NCAPG2: variants seen among roughly 807,000 people sequenced by gnomAD.
NCAPG2 encodes non-SMC condensin II complex subunit G2.
A neutral mutation model predicts 141.1 loss-of-function variants in NCAPG2; 53 were observed. The observed-to-expected ratio is 0.38, with a 90% confidence interval of 0.30 to 0.47. The LOEUF is 0.47. NCAPG2 is among the 20% of genes least tolerant of loss of function. The pLI, the probability that NCAPG2 is intolerant of heterozygous loss-of-function variation, is 0.99. For missense variants in NCAPG2, 1,087 were observed against 1,389.0 expected, an observed-to-expected ratio of 0.78 and a Z score of 3.46; for synonymous variants, 499 against 490.7, an observed-to-expected ratio of 1.02 and a Z score of -0.22.
At chr7:158,689,567 A>T (rs1305284072) in intron 6 of NCAPG2, among the ~76,000 whole-genome samples, 3 of 152,248 alleles carry the variant, frequency 2.0e-5, no homozygotes, top group Non-Finnish European at 2.9e-5. Context: ...AATCATTCTT[A>T]ATTTAAAATG....
At chr7:158,650,995 C>T (rs377362959) in intron 23 of NCAPG2, 23 bp from the exon 24 acceptor site, 1 of 1,542,370 alleles carries the variant, frequency 6.5e-7, no homozygotes, top group Non-Finnish European at 8.7e-7. Context: ...ACATACGTCA[C>T]TTTTAATGAC....
intron 27 of NCAPG2, chr7:158,640,240 G>A (rs1019541283): frequency 1.3e-5 from 2 of 152,194 alleles, no homozygotes; most frequent in Non-Finnish European, 2.9e-5. Context: ...AGAGTATAGC[G>A]AAATGTTTAA....
At chr7:158,670,169 A>T (rs1046834353) in intron 13 of NCAPG2, among the ~76,000 whole-genome samples, 10 of 152,256 alleles carry the variant, frequency 6.6e-5, no homozygotes, top group Admixed American at 6.5e-4. Flanking sequence ...TGTTAATACT[A>T]CATTGGTCAC....
chr7:158,703,367 C>T (rs1835929862), intron 1 of NCAPG2, among the ~76,000 whole-genome samples: 1 of 152,222 alleles, frequency 6.6e-6, no homozygotes, highest in South Asian at 2.1e-4. Context: ...TGTGAACACT[C>T]TCCACTTTTT....
At position 158,664,234 on chromosome 7, in the gene NCAPG2, G is replaced by A. The variant is rs1019176269; in HGVS notation, c.1765C>T (p.Pro589Ser). ...TCCTCTTCCTCCTCGTCCTCTGGAG[G>A]CTCTCTCACTGCCCTCTGGATACAG... Reference protein sequence around the residue: ...NACIQRAVREPPEDEEEEDGR... With the variant: ...NACIQRAVRESPEDEEEEDGR... The change falls in exon 15 of 28, where the codon CCT becomes TCT. Residue 589 changes from proline to serine, a missense_variant. By Grantham distance (74) the Pro-to-Ser change is moderately conservative. Transcript: ENST00000356309. The A allele has an allele frequency of 3.7e-6, 6 of 1,613,744 alleles. No homozygotes were observed. In the African/African-American group the frequency reaches 8.0e-5, roughly 22 times the overall value.
chr7:158,631,908 G>C (rs1432005765), intron 27 of NCAPG2, among the ~76,000 whole-genome samples, 191 bp from the exon 28 acceptor site: 1 of 152,074 alleles, frequency 6.6e-6, no homozygotes, highest in Non-Finnish European at 1.5e-5. Flanking sequence ...CAGCAGTCAG[G>C]ACACATGGCA....
Position 158,683,396 on chromosome 7 carries a change from C to T in NCAPG2, c.838-10G>A, listed in dbSNP as rs148607072. ...AATCATTTTCAATCGCCTGAAATAA[C>T]AAATGCAATGCAAAGCACTTGGTGT... On this transcript the variant is annotated splice_polypyrimidine_tract_variant and intron_variant, in intron 8 of 27. Coordinates refer to ENST00000356309, the MANE Select transcript of NCAPG2 (RefSeq NM_017760.7). 8.1e-4 allele frequency: 1,287 copies of T among 1,593,590 alleles called. 12 individuals are homozygous for T. The African/African-American group carries it at 0.016, about 20-fold the overall frequency.
At chr7:158,680,163 A>T in intron 10 of NCAPG2, 78 bp from the exon 11 acceptor site, 1 of 1,418,162 alleles carries the variant, frequency 7.1e-7, no homozygotes, top group East Asian at 2.3e-5. Flanking sequence ...TTCCCAAAGT[A>T]ACACTTTAAT....
At chr7:158,662,783 T>C (rs745589979) in intron 15 of NCAPG2, among the ~76,000 whole-genome samples, 1 of 152,168 alleles carries the variant, frequency 6.6e-6, no homozygotes, top group Non-Finnish European at 1.5e-5. Context: ...CCAAGGTGAC[T>C]GCTACTGAAA....
At chr7:158,704,402 G>C (rs1836030433) in intron 1 of NCAPG2, among the ~76,000 whole-genome samples, 1 of 151,718 alleles carries the variant, frequency 6.6e-6, no homozygotes, top group South Asian at 2.1e-4. Context: ...CCAGGACTGA[G>C]GGGACACTCT....
intron 23 of NCAPG2, among the ~76,000 whole-genome samples, chr7:158,651,255 GGA>G (rs1831471669): frequency 6.6e-6 from 1 of 152,104 alleles, no homozygotes; most frequent in Admixed American, 6.5e-5. Flanking sequence ...GAATAAGGAG[GGA>G]GAGAGGCAAA....
Position 158,690,506 on chromosome 7 carries a change from C to T in NCAPG2, c.537+62G>A, listed in dbSNP as rs988659990. On this transcript the variant is annotated intron_variant, in intron 5 of 27. Transcript: ENST00000356309. ...GCTGCAGTGAGCTATGATCATGCCA[C>T]TGCACTCCATCTGGGCAATAGAGAG... 69 of 1,515,364 alleles carry T rather than the reference C, an allele frequency of 4.6e-5. No individual in the cohort carries two copies. In the Admixed American group the frequency reaches 1.2e-3, roughly 25 times the overall value. 93.9% of individuals were successfully genotyped at this position (1,515,364 alleles called of 1,614,324 possible). A position where few individuals can be genotyped will look rare whatever the true frequency, so the allele number is the denominator to read the frequency against.
intron 12 of NCAPG2, among the ~76,000 whole-genome samples, chr7:158,672,843 C>T (rs1216781752): frequency 6.6e-6 from 1 of 152,140 alleles, no homozygotes; most frequent in Admixed American, 6.5e-5. Flanking sequence ...CCCCTGTAGC[C>T]CCTGCCATAA....
intron 13 of NCAPG2, chr7:158,668,210 C>T (rs1181254897): frequency 5.7e-6 from 1 of 175,200 alleles, no homozygotes; most frequent in Non-Finnish European, 7.5e-6. Context: ...GGTCCCTCCG[C>T]CCCCCCTTAC....
rs972359017 is a variant in NCAPG2, at chr7:158,657,824, C to T, written c.2060+514G>A. On this transcript the variant is annotated intron_variant, in intron 17 of 27. Transcript: ENST00000356309. ...CCTGTACTAAGAAAAATTCTTCTGC[C>T]TTGGGATCCTGTTGATCTGTGACCT... Among the ~76,000 whole-genome samples the T allele has an allele frequency of 3.9e-5, 6 of 152,160 alleles. No homozygotes were observed. The South Asian group carries it at 8.3e-4, about 21-fold the overall frequency.
chr7:158,646,896 G>A (rs1025964011), intron 24 of NCAPG2, among the ~76,000 whole-genome samples: 1 of 151,998 alleles, frequency 6.6e-6, no homozygotes, highest in African/African-American at 2.4e-5. Flanking sequence ...GGGCATGGTG[G>A]TGCATACCTG....
At chr7:158,653,913 G>A (rs543710603) in intron 22 of NCAPG2, among the ~76,000 whole-genome samples, 3 of 152,088 alleles carry the variant, frequency 2.0e-5, no homozygotes, top group Admixed American at 6.6e-5. Flanking sequence ...AAGCGGCTGA[G>A]GGGGAGGCTG....
Position 158,687,401 on chromosome 7 carries a change from G to C in NCAPG2, c.714C>G (p.Asn238Lys). The change falls in exon 7 of 28, where the codon AAC becomes AAG. Residue 238 changes from asparagine (N) to lysine (K), a missense_variant. Coordinates refer to ENST00000356309, the MANE Select transcript of NCAPG2 (RefSeq NM_017760.7). ...FLSCLFNWNI[N>K]FIKMIHGTIK... ...TGGTCCCGTGGATCATTTTGATGAAGTTGATATTCCAGTTGAAGAGACAAC... is the reference window on the plus strand; with the variant it reads ...TGGTCCCGTGGATCATTTTGATGAACTTGATATTCCAGTTGAAGAGACAAC... 1 of 1,610,878 alleles carries C rather than the reference G, an allele frequency of 6.2e-7. No individual in the cohort carries two copies. The highest frequency in any genetic ancestry group is 1.7e-5 in the Admixed American group (1 of 59,536).
intron 11 of NCAPG2, among the ~76,000 whole-genome samples, chr7:158,679,315 T>C (rs1369514836): frequency 1.3e-5 from 2 of 152,222 alleles, no homozygotes; most frequent in Non-Finnish European, 2.9e-5. Flanking sequence ...CAGTAGATAG[T>C]ATGCACTGCT....
Sources: allele counts gnomAD v4.1 joint callset (sites outside exome capture counted in the v4.1 genomes callset), GRCh38; gene constraint gnomAD v4.1.1; transcripts MANE v1.5; gene names NCBI Gene and HGNC (gene_info 2026-07-23, HGNC 2026-07-21).